Variants in CASP5 observed in about 807,000 individuals in gnomAD.
The protein encoded by CASP5 is caspase 5.
A neutral mutation model predicts 45.2 loss-of-function variants in CASP5; 42 were observed. That is an observed-to-expected ratio of 0.93 (90% CI 0.73 to 1.20). The LOEUF is 1.20. Ranked by LOEUF, CASP5 falls within the 50% of genes most tolerant of loss-of-function variation. The pLI, the probability that CASP5 is intolerant of heterozygous loss-of-function variation, is 0.00. For synonymous variants in CASP5, 209 were observed against 186.2 expected (o/e 1.12, Z -1.00); for missense variants, 512 against 532.2 (o/e 0.96, Z 0.37).
At chr11:105,016,848 G>A (rs1011328362) in intron 1 of CASP5, among the ~76,000 whole-genome samples, 3 of 151,334 alleles carry the variant, frequency 2.0e-5, no homozygotes, top group African/African-American at 4.9e-5. Context: ...CCACCTCTGG[G>A]GGCAGGGCAC....
At chr11:105,006,968 A>T in intron 3 of CASP5, 115 bp downstream of exon 3, 1 of 929,034 alleles carries the variant, frequency 1.1e-6, no homozygotes, top group Middle Eastern at 2.3e-4. Flanking sequence ...TGTTTACTGA[A>T]AATGAGAGTT....
chr11:105,022,282 C>CA (rs766427398), intron 1 of CASP5, among the ~76,000 whole-genome samples: 1 of 151,116 alleles, frequency 6.6e-6, no homozygotes, highest in African/African-American at 2.4e-5. Context: ...GCACATTGTG[C>CA]ACATGTACCC....
intron 3 of CASP5, among the ~76,000 whole-genome samples, chr11:105,006,415 G>C (rs754903630): frequency 6.6e-6 from 1 of 152,192 alleles, no homozygotes. Context: ...GAAGAAACCA[G>C]TTACATTCTG....
intron 1 of CASP5, among the ~76,000 whole-genome samples, chr11:105,015,880 G>A (rs1307769028): frequency 6.6e-6 from 1 of 152,158 alleles, no homozygotes; most frequent in Non-Finnish European, 1.5e-5. Flanking sequence ...AAACTCAACA[G>A]CAAGGAAGTA....
chr11:104,995,974 A>G (rs762319578), intron 8 of CASP5, 132 bp from the exon 9 acceptor site: 1 of 576,950 alleles, frequency 1.7e-6, no homozygotes. Flanking sequence ...GGATATTCCA[A>G]CTCCTTAACA....
chr11:105,017,270 G>C (rs545727564), intron 1 of CASP5, among the ~76,000 whole-genome samples: 1 of 151,948 alleles, frequency 6.6e-6, no homozygotes, highest in South Asian at 2.1e-4. Flanking sequence ...CCAAAGGAAC[G>C]CAGTTCCTCG....
intron 3 of CASP5, among the ~76,000 whole-genome samples, chr11:105,004,552 T>C (rs1861910855): frequency 6.6e-6 from 1 of 152,208 alleles, no homozygotes; most frequent in African/African-American, 2.4e-5. Flanking sequence ...TATGTTTGGT[T>C]ACGTGACCCA....
At chr11:104,997,064 C>T (rs3181182) in intron 8 of CASP5, among the ~76,000 whole-genome samples, 3,882 of 152,238 alleles carry the variant, frequency 0.025, 140 homozygotes, top group African/African-American at 0.084. Context: ...AAGCCCCTCA[C>T]CTCCATCCAG....
chr11:104,998,947 G>A lies in CASP5; in HGVS notation c.1034C>T (p.Ala345Val). The stretch of plus-strand genomic sequence containing the variant: ...CTCGTGGATCTTGCAAACAGAATCT[G>A]CCTCCAGGTTCTCAGATGACTGTGA... Reference protein sequence around the residue: ...ISSQSSENLEADSVCKIHEEK... With the variant: ...ISSQSSENLEVDSVCKIHEEK... The change falls in exon 7 of 10, where the codon GCA becomes GTA. Residue 345 changes from alanine to valine, a missense_variant. Coordinates refer to ENST00000260315, the MANE Select transcript of CASP5 (RefSeq NM_004347.5). 1 of 1,613,768 alleles carries A rather than the reference G, an allele frequency of 6.2e-7. No individual in the cohort carries two copies. Among genetic ancestry groups the A allele is most frequent in the South Asian group, 1.1e-5 (1 of 91,056 alleles).
At position 105,008,801 on chromosome 11, in the gene CASP5, T is replaced by A. The variant is rs1426434001; in HGVS notation, c.181+6A>T. The A allele has an allele frequency of 6.3e-7, 1 of 1,590,466 alleles. No individual in the cohort carries two copies. Among genetic ancestry groups the A allele is most frequent in the Non-Finnish European group, 8.6e-7 (1 of 1,162,082 alleles). ...GAAATATCCATTGTAAAATATCCAGTCTTACTTTTTACACTGGTCGACTTT... is the reference window on the plus strand; with the variant it reads ...GAAATATCCATTGTAAAATATCCAGACTTACTTTTTACACTGGTCGACTTT... On this transcript the variant is annotated splice_donor_region_variant and intron_variant, in intron 2 of 9. Transcript: ENST00000260315.
intron 1 of CASP5, among the ~76,000 whole-genome samples, chr11:105,018,501 A>G (rs1862756925): frequency 6.6e-6 from 1 of 150,818 alleles, no homozygotes; most frequent in Non-Finnish European, 1.5e-5. Context: ...CAGGGGTTGC[A>G]GTCCTAGTCT....
At chr11:105,017,062 G>A (rs1045515098) in intron 1 of CASP5, among the ~76,000 whole-genome samples, 3 of 151,666 alleles carry the variant, frequency 2.0e-5, no homozygotes, top group Admixed American at 2.0e-4. Context: ...CACCTCACAC[G>A]GCCGGGTACT....
At chr11:105,017,224 A>G (rs975686066) in intron 1 of CASP5, among the ~76,000 whole-genome samples, 2 of 152,156 alleles carry the variant, frequency 1.3e-5, no homozygotes. Context: ...GAGCAGAAAA[A>G]CTGGAAACTC....
At chr11:105,012,427 T>C (rs1450701835) in intron 1 of CASP5, among the ~76,000 whole-genome samples, 5 of 151,828 alleles carry the variant, frequency 3.3e-5, no homozygotes, top group African/African-American at 7.2e-5. Flanking sequence ...AATTAAGATA[T>C]GAGATTACAT....
At chr11:105,008,310 A>G (rs1407084331) in intron 2 of CASP5, among the ~76,000 whole-genome samples, 1 of 152,096 alleles carries the variant, frequency 6.6e-6, no homozygotes, top group Non-Finnish European at 1.5e-5. Context: ...TCTAGAGCTA[A>G]ATGAGTCTGG....
At chr11:105,016,450 T>C (rs567961556) in intron 1 of CASP5, among the ~76,000 whole-genome samples, 7,271 of 152,178 alleles carry the variant, frequency 0.048, 537 homozygotes, top group African/African-American at 0.16. Context: ...AGTGGGTGCG[T>C]GCACCGTGTG....
At position 105,000,361 on chromosome 11, in the gene CASP5, A is replaced by T. The variant is rs376683762; in HGVS notation, c.852T>A (p.Asp284Glu). ...CGTAHKKKKPDVLLYDTIFQI... is the reference protein window; with the variant it reads ...CGTAHKKKKPEVLLYDTIFQI... Reference sequence around the variant, plus strand: ...GGAAGATGGTGTCATAAAGCAGCACATCCGGTTTTTTCTTTTTATGCGCAG... The same window carrying T: ...GGAAGATGGTGTCATAAAGCAGCACTTCCGGTTTTTTCTTTTTATGCGCAG... Residue 284 changes from aspartate (D) to glutamate (E), a missense_variant, in exon 6 of 10, where the codon GAT becomes GAA. Asp to Glu is a conservative substitution (Grantham distance 45). Transcript: ENST00000260315. 1.2e-6 allele frequency: 2 copies of T among 1,614,062 alleles called. No individual in the cohort carries two copies. Among genetic ancestry groups the T allele is most frequent in the Non-Finnish European group, 1.7e-6 (2 of 1,180,034 alleles).
intron 8 of CASP5, among the ~76,000 whole-genome samples, chr11:104,997,001 C>T (rs1251134377): frequency 6.6e-6 from 1 of 152,136 alleles, no homozygotes; most frequent in Non-Finnish European, 1.5e-5. Context: ...AAGTGTGAGT[C>T]CTAGATAGTC....
chr11:104,994,350 G>C lies in CASP5; in HGVS notation c.*5-3C>G, dbSNP rs1173266189. ...AGGGCTGGGCTGCCTGTGGTTTCCT[G>C]CAGAAGAGAGAAAGGACAGAAGGTC... On this transcript the variant is annotated splice_polypyrimidine_tract_variant and splice_region_variant and intron_variant, in intron 9 of 9. Coordinates refer to ENST00000260315, the MANE Select transcript of CASP5 (RefSeq NM_004347.5). The C allele has an allele frequency of 6.6e-6, 1 of 152,238 alleles. No homozygotes were observed. Among genetic ancestry groups the C allele is most frequent in the Non-Finnish European group, 1.5e-5 (1 of 68,088 alleles). The allele number at this position is 152,238 out of a possible 1,614,324, so 9.4% of individuals were successfully genotyped here. A position where few individuals can be genotyped will look rare whatever the true frequency, so the allele number is the denominator to read the frequency against.
Sources: gnomAD v4.1 joint callset for allele counts (sites outside exome capture counted in the v4.1 genomes callset) on GRCh38, gnomAD v4.1.1 for gene constraint, MANE v1.5 for transcripts, NCBI Gene and HGNC (gene_info 2026-07-23, HGNC 2026-07-21) for gene names.